Variants in SCARA3 observed in about 807,000 individuals in gnomAD.
SCARA3 encodes the protein scavenger receptor class A member 3.
In SCARA3, 39 loss-of-function variants were observed where a neutral mutation model predicts 47.0. The ratio of observed to expected loss-of-function variants is 0.83; its 90% CI spans 0.64 to 1.08. The LOEUF (loss-of-function observed/expected upper bound fraction) is 1.08. Ranked by LOEUF, SCARA3 falls within the 50% of genes least tolerant of loss-of-function variation. The pLI, the probability that SCARA3 is intolerant of heterozygous loss-of-function variation, is 0.00. For missense variants in SCARA3, 724 were observed against 792.3 expected, an observed-to-expected ratio of 0.91 and a Z score of 1.04; for synonymous variants, 356 against 334.1, an observed-to-expected ratio of 1.07 and a Z score of -0.71.
At chr8:27,690,839 T>C in the SCARA3 span, among the ~76,000 whole-genome samples, 10 of 152,088 alleles carry the variant, frequency 6.6e-5, no homozygotes, top group South Asian at 2.1e-4. Flanking sequence ...CACACCACCA[T>C]GCCTGGCTAA....
chr8:27,730,724 A>C, the SCARA3 span, among the ~76,000 whole-genome samples: 1 of 151,580 alleles, frequency 6.6e-6, no homozygotes, highest in Non-Finnish European at 1.5e-5. Flanking sequence ...TCCTGGACTT[A>C]AGCAATCTGT....
At chr8:27,642,889 T>C (rs1222277163) in intron 1 of SCARA3, among the ~76,000 whole-genome samples, 1 of 151,910 alleles carries the variant, frequency 6.6e-6, no homozygotes, top group Non-Finnish European at 1.5e-5. Context: ...TCCCTCTGAA[T>C]TCATGGGGTT....
At chr8:27,686,338 G>T in the SCARA3 span, among the ~76,000 whole-genome samples, 1 of 151,990 alleles carries the variant, frequency 6.6e-6, no homozygotes, top group Non-Finnish European at 1.5e-5. Context: ...CAGCTACTTA[G>T]GAGGCTGAAG....
Position 27,651,555 on chromosome 8 carries a change from C to A in SCARA3, c.154C>A (p.His52Asn). 6.2e-7 allele frequency: 1 copy of A among 1,614,024 alleles called. No individual in the cohort carries two copies. Among genetic ancestry groups the A allele is most frequent in the Non-Finnish European group, 8.5e-7 (1 of 1,180,032 alleles). ...CSRCQKNLSL[H>N]TSVRILYLFL... ...CCGCTGCCAGAAGAACCTATCTTTG[C>A]ACACATCGGTGCGGATTCTTTACCT... The change falls in exon 3 of 6, where the codon CAC (histidine) becomes AAC (asparagine). Residue 52 changes from histidine (H) to asparagine (N), a missense_variant. By Grantham distance (68) the His-to-Asn change is moderately conservative (BLOSUM62 1). Transcript: ENST00000301904.
At chr8:27,647,709 C>T (rs1475827665) in intron 1 of SCARA3, among the ~76,000 whole-genome samples, 2 of 152,308 alleles carry the variant, frequency 1.3e-5, no homozygotes, top group East Asian at 1.9e-4. Flanking sequence ...CAGGGCCTTA[C>T]GCTAGTCTGA....
the SCARA3 span, among the ~76,000 whole-genome samples, chr8:27,732,852 G>A: frequency 1.3e-5 from 2 of 152,158 alleles, no homozygotes; most frequent in African/African-American, 2.4e-5. Context: ...TGGCTCCTCT[G>A]AGCCTAAAAC....
the SCARA3 span, among the ~76,000 whole-genome samples, chr8:27,692,008 A>AT: frequency 6.6e-6 from 1 of 152,232 alleles, no homozygotes; most frequent in African/African-American, 2.4e-5. Flanking sequence ...AGCCAAGGGC[A>AT]TTCCAAAATT....
chr8:27,719,537 TA>T, the SCARA3 span, among the ~76,000 whole-genome samples: 35,834 of 139,408 alleles, frequency 0.26, 5,115 homozygotes, highest in African/African-American at 0.43. Flanking sequence ...AAATAAAAGT[TA>T]AAAAAAAAAA....
chr8:27,732,014 T>A, the SCARA3 span, among the ~76,000 whole-genome samples: 1 of 152,234 alleles, frequency 6.6e-6, no homozygotes, highest in Admixed American at 6.5e-5. Context: ...ACCTGAAAGA[T>A]CCCGGTTCTC....
the SCARA3 span, among the ~76,000 whole-genome samples, chr8:27,699,863 T>C: frequency 6.6e-6 from 1 of 152,210 alleles, no homozygotes; most frequent in African/African-American, 2.4e-5. Context: ...GACAGACATA[T>C]AGATCAATTG....
At chr8:27,713,290 T>C in the SCARA3 span, among the ~76,000 whole-genome samples, 1 of 152,282 alleles carries the variant, frequency 6.6e-6, no homozygotes, top group Non-Finnish European at 1.5e-5. Flanking sequence ...AAGTTTTACA[T>C]CTAGGGCAAG....
intron 1 of SCARA3, among the ~76,000 whole-genome samples, chr8:27,642,914 G>T (rs1801413109): frequency 6.6e-6 from 1 of 152,208 alleles, no homozygotes; most frequent in South Asian, 2.1e-4. Context: ...GGAGTCGGGG[G>T]GGTTGGTGCT....
At chr8:27,696,395 G>T in the SCARA3 span, among the ~76,000 whole-genome samples, 1 of 152,132 alleles carries the variant, frequency 6.6e-6, no homozygotes, top group African/African-American at 2.4e-5. Context: ...ATCAGAAATA[G>T]TAGAGATCAG....
intron 1 of SCARA3, among the ~76,000 whole-genome samples, chr8:27,648,810 G>T (rs984733668): frequency 6.7e-6 from 1 of 150,318 alleles, no homozygotes; most frequent in African/African-American, 2.5e-5. Context: ...GGAGAGGGAG[G>T]AGAGAGAAAG....
In SCARA3 at chr8:27,671,154, GA is replaced by G; in HGVS notation, c.1625del (p.Asp542AlafsTer2). ...GAGAGGACAGCCAGGCCCAAAAGGG[GA>G]CATAGGGCCCCCAGGGCCAGAAGGG... ...GPRGQPGPKG[D>X]IGPPGPEGPP... On this transcript the variant is annotated frameshift_variant, in exon 6 of 6. Coordinates refer to ENST00000301904, the MANE Select transcript of SCARA3 (RefSeq NM_016240.3). LOFTEE classifies it high-confidence loss of function. The G allele has an allele frequency of 6.5e-7, 1 of 1,545,692 alleles. No homozygotes were observed. Among genetic ancestry groups the G allele is most frequent in the Non-Finnish European group, 8.7e-7 (1 of 1,148,542 alleles).
At chr8:27,634,963 TATCTC>T (rs1178393756) in intron 1 of SCARA3, among the ~76,000 whole-genome samples, 2 of 152,228 alleles carry the variant, frequency 1.3e-5, no homozygotes, top group African/African-American at 2.4e-5. Context: ...GCTTTGGAGT[TATCTC>T]ATGAGGCAGG....
Position 27,670,949 on chromosome 8 carries a change from GA to G in SCARA3, c.1422del (p.Pro476LeufsTer68). 6.3e-7 allele frequency: 1 copy of G among 1,590,680 alleles called. No individual in the cohort carries two copies. The highest frequency in any genetic ancestry group is 1.4e-5 in the African/African-American group (1 of 73,308). ...GAGGATTCAAAGGAGATATGGGCGTGAAAGGGCCTGTTGGCGGCAGAGGCCC... is the reference window on the plus strand; with the variant it reads ...GAGGATTCAAAGGAGATATGGGCGTGAAGGGCCTGTTGGCGGCAGAGGCCC... The part of the protein sequence containing the change: ...PRGFKGDMGV[K>X]GPVGGRGPKG... On this transcript the variant is annotated frameshift_variant, in exon 6 of 6. Transcript: ENST00000301904. LOFTEE classifies it high-confidence loss of function.
the SCARA3 span, among the ~76,000 whole-genome samples, chr8:27,685,650 G>A: frequency 6.6e-6 from 1 of 152,140 alleles, no homozygotes; most frequent in Non-Finnish European, 1.5e-5. Context: ...CTGAAGCAGT[G>A]GAAGTATTCT....
intron 2 of SCARA3, among the ~76,000 whole-genome samples, chr8:27,651,161 G>A (rs1271480226): frequency 6.6e-6 from 1 of 152,274 alleles, no homozygotes; most frequent in African/African-American, 2.4e-5. Flanking sequence ...TGGTCACTCA[G>A]TGGGGCCTCA....
Sources: allele counts gnomAD v4.1 joint callset (sites outside exome capture counted in the v4.1 genomes callset), GRCh38; gene constraint gnomAD v4.1.1; transcripts MANE v1.5; gene names NCBI Gene and HGNC (gene_info 2026-07-23, HGNC 2026-07-21).